PARD3B: variants seen among roughly 807,000 people sequenced by gnomAD.
The protein encoded by PARD3B is partitioning defective 3 homolog B.
A neutral mutation model predicts 130.2 loss-of-function variants in PARD3B; 103 were observed. That is an observed-to-expected ratio of 0.79 (90% CI 0.67 to 0.93). The LOEUF (loss-of-function observed/expected upper bound fraction) is 0.93, where lower values mean the gene tolerates loss of function less well. Ranked by LOEUF, PARD3B falls within the 40% of genes least tolerant of loss-of-function variation. The pLI is 0.00. For missense variants in PARD3B, 1,609 were observed against 1,499.2 expected (o/e 1.07, Z -1.21); for synonymous variants, 583 against 553.2 (o/e 1.05, Z -0.76).
chr2:205,168,734 T>C (rs2034978451), intron 11 of PARD3B, among the ~76,000 whole-genome samples: 1 of 151,722 alleles, frequency 6.6e-6, no homozygotes, highest in Non-Finnish European at 1.5e-5. Context: ...ATATCTTCTG[T>C]TGTGTGTCTT....
chr2:205,196,513 C>T (rs1432776132), intron 15 of PARD3B, among the ~76,000 whole-genome samples: 1 of 152,056 alleles, frequency 6.6e-6, no homozygotes, highest in Non-Finnish European at 1.5e-5. Flanking sequence ...TATTTCTCAT[C>T]ATAAAAAAGG....
At chr2:205,331,870 A>G (rs2105777267) in intron 18 of PARD3B, among the ~76,000 whole-genome samples, 1 of 150,526 alleles carries the variant, frequency 6.6e-6, no homozygotes, top group Admixed American at 6.7e-5. Flanking sequence ...CACTTTCAGA[A>G]GCTGAGGCGG....
At chr2:205,483,714 A>T (rs1335574312) in intron 20 of PARD3B, among the ~76,000 whole-genome samples, 1 of 152,156 alleles carries the variant, frequency 6.6e-6, no homozygotes, top group Non-Finnish European at 1.5e-5. Flanking sequence ...AAGCTCTCTT[A>T]GATATACAAT....
intron 3 of PARD3B, among the ~76,000 whole-genome samples, chr2:205,035,819 ATCTATATATC>A (rs1391237207): frequency 0.12 from 9,093 of 76,844 alleles, 992 homozygotes; most frequent in African/African-American, 0.15. Flanking sequence ...ATATATATAT[ATCTATATATC>A]TATATATATA....
intron 20 of PARD3B, among the ~76,000 whole-genome samples, chr2:205,492,386 G>T (rs2049751255): frequency 6.6e-6 from 1 of 152,150 alleles, no homozygotes; most frequent in South Asian, 2.1e-4. Flanking sequence ...CCTTAATTTA[G>T]AGTAGAGTAA....
At chr2:204,551,305 G>T (rs1391428056) in intron 1 of PARD3B, among the ~76,000 whole-genome samples, 1 of 152,160 alleles carries the variant, frequency 6.6e-6, no homozygotes, top group Admixed American at 6.5e-5. Flanking sequence ...ACAATGCTGG[G>T]CTTTACTTTC....
chr2:204,923,910 G>A (rs1303965674), intron 2 of PARD3B, among the ~76,000 whole-genome samples: 5 of 151,962 alleles, frequency 3.3e-5, no homozygotes, highest in African/African-American at 7.2e-5. Flanking sequence ...TTAGTGATCC[G>A]AATTGAATTT....
At chr2:205,279,086 A>AAAC (rs1314784771) in intron 16 of PARD3B, among the ~76,000 whole-genome samples, 3 of 150,778 alleles carry the variant, frequency 2.0e-5, no homozygotes, top group African/African-American at 7.3e-5. Flanking sequence ...AAAAAAAAAA[A>AAAC]AAAAAAAAAA....
chr2:204,950,979 G>A (rs1046350065), intron 2 of PARD3B, among the ~76,000 whole-genome samples: 2 of 152,138 alleles, frequency 1.3e-5, no homozygotes, highest in Admixed American at 1.3e-4. Context: ...CTACTAAGGG[G>A]ACTAGAGATT....
In PARD3B at chr2:205,022,546, G is replaced by A. The variant is rs567213614; in HGVS notation, c.395-25035G>A. ...GTTTAGCAAATAATTTGTCTAAAAC[G>A]TTTCTTTTTCAGATTTTAGTTAGAT... On this transcript the variant is annotated intron_variant, in intron 3 of 22. Transcript: ENST00000406610. 2.0e-5 allele frequency among the ~76,000 whole-genome samples: 3 copies of A among 152,062 alleles called. No individual in the cohort carries two copies. In the South Asian group the frequency reaches 6.2e-4, roughly 32 times the overall value.
At chr2:204,886,851 T>C (rs1488637364) in intron 2 of PARD3B, among the ~76,000 whole-genome samples, 3 of 152,196 alleles carry the variant, frequency 2.0e-5, no homozygotes. Context: ...TCTGAGGGAT[T>C]GTCAGACAGG....
chr2:205,115,685 G>A (rs903259983), intron 6 of PARD3B, among the ~76,000 whole-genome samples: 4 of 152,156 alleles, frequency 2.6e-5, no homozygotes, highest in Admixed American at 6.5e-5. Flanking sequence ...AGTACAGGCT[G>A]AAACAGCACG....
intron 1 of PARD3B, among the ~76,000 whole-genome samples, chr2:204,640,387 T>A (rs1211373199): frequency 6.6e-6 from 1 of 151,932 alleles, no homozygotes; most frequent in Non-Finnish European, 1.5e-5. Flanking sequence ...ATGAGAGATG[T>A]CATGGCAGGA....
chr2:204,863,682 G>A lies in PARD3B; in HGVS notation c.223-101470G>A, dbSNP rs542049144. ...GTAAGACAGTCCATTTGTAGTTTGC[G>A]AATGGCCTTTAGGCCATATAGATAG... is the stretch of plus-strand genomic sequence containing the variant. On this transcript the variant is annotated intron_variant, in intron 2 of 22. Coordinates refer to ENST00000406610, the MANE Select transcript of PARD3B (RefSeq NM_001302769.2). Among the ~76,000 whole-genome samples the A allele has an allele frequency of 3.9e-5, 6 of 152,288 alleles. No individual in the cohort carries two copies. In the East Asian group the frequency reaches 5.8e-4, roughly 15 times the overall value.
intron 2 of PARD3B, among the ~76,000 whole-genome samples, chr2:204,867,612 G>T (rs1261633316): frequency 3.9e-5 from 6 of 152,042 alleles, no homozygotes; most frequent in Non-Finnish European, 8.8e-5. Context: ...CATGTGCTTT[G>T]TGTCCCTTGA....
chr2:205,438,380 T>C (rs549519676), intron 19 of PARD3B, among the ~76,000 whole-genome samples: 3 of 152,322 alleles, frequency 2.0e-5, no homozygotes, highest in African/African-American at 7.2e-5. Context: ...CTTCCATTAA[T>C]GCACACAAGT....
At chr2:204,772,862 G>A (rs1321269605) in intron 2 of PARD3B, among the ~76,000 whole-genome samples, 2 of 151,990 alleles carry the variant, frequency 1.3e-5, no homozygotes, top group Non-Finnish European at 2.9e-5. Context: ...ATGAGTGTAT[G>A]CTAACTAGAG....
chr2:204,570,724 T>C (rs1405314321), intron 1 of PARD3B, among the ~76,000 whole-genome samples: 2 of 150,578 alleles, frequency 1.3e-5, no homozygotes, highest in Non-Finnish European at 3.0e-5. Context: ...TATAAGCTGT[T>C]ATAACTGAGG....
chr2:204,670,858 T>C (rs77899213), intron 1 of PARD3B, among the ~76,000 whole-genome samples: 5,178 of 152,220 alleles, frequency 0.034, 126 homozygotes, highest in Middle Eastern at 0.088. Context: ...CATGCTTTTT[T>C]TCCGTTCTTT....
Sources: allele counts gnomAD v4.1 joint callset (sites outside exome capture counted in the v4.1 genomes callset), GRCh38; gene constraint gnomAD v4.1.1; transcripts MANE v1.5; gene names NCBI Gene and HGNC (gene_info 2026-07-23, HGNC 2026-07-21).